Variants in RAP1GDS1 observed in about 807,000 individuals in gnomAD.
RAP1GDS1 encodes RAP1, GTP-GDP dissociation stimulator 1.
A neutral mutation model predicts 71.1 loss-of-function variants in RAP1GDS1; 35 were observed. That is an observed-to-expected ratio of 0.49 (90% confidence interval 0.38 to 0.65). The LOEUF is 0.65. Among genes scored for constraint, RAP1GDS1 ranks in the 30% least tolerant of loss-of-function variants. The pLI is 0.00. For missense variants in RAP1GDS1, 663 were observed against 706.1 expected (o/e 0.94, Z 0.69); for synonymous variants, 229 against 243.1 (o/e 0.94, Z 0.54).
intron 2 of RAP1GDS1, among the ~76,000 whole-genome samples, chr4:98,308,297 C>CACTATATATATA (rs1239038228): frequency 2.7e-5 from 2 of 73,202 alleles, no homozygotes; most frequent in South Asian, 6.2e-4. Context: ...CACACACACA[C>CACTATATATATA]TATATATATA....
chr4:98,281,621 C>G (rs1725117389), intron 1 of RAP1GDS1, among the ~76,000 whole-genome samples: 1 of 152,124 alleles, frequency 6.6e-6, no homozygotes, highest in Admixed American at 6.6e-5. Flanking sequence ...GCCTGACTGC[C>G]CTGGCGAGAA....
intron 2 of RAP1GDS1, among the ~76,000 whole-genome samples, chr4:98,305,788 A>G (rs960648663): frequency 6.6e-6 from 1 of 152,200 alleles, no homozygotes; most frequent in Non-Finnish European, 1.5e-5. Context: ...TTGGCAGAAG[A>G]TCTGGGTTTG....
At chr4:98,338,343 A>G (rs1010251322) in intron 2 of RAP1GDS1, among the ~76,000 whole-genome samples, 2 of 152,210 alleles carry the variant, frequency 1.3e-5, no homozygotes, top group African/African-American at 4.8e-5. Flanking sequence ...CATATACCCA[A>G]GTGCAAATGC....
intron 2 of RAP1GDS1, among the ~76,000 whole-genome samples, chr4:98,317,148 A>G (rs552599635): frequency 6.6e-6 from 1 of 152,082 alleles, no homozygotes; most frequent in African/African-American, 2.4e-5. Flanking sequence ...CCTCCATCAC[A>G]CTTTTTTACC....
intron 2 of RAP1GDS1, among the ~76,000 whole-genome samples, chr4:98,341,057 GT>G (rs1402501518): frequency 6.6e-6 from 1 of 152,120 alleles, no homozygotes; most frequent in Non-Finnish European, 1.5e-5. Flanking sequence ...ACACTTTGTA[GT>G]TATTTATTGG....
intron 14 of RAP1GDS1, among the ~76,000 whole-genome samples, chr4:98,437,856 A>G (rs970493982): frequency 2.6e-5 from 4 of 151,660 alleles, no homozygotes; most frequent in Non-Finnish European, 5.9e-5. Flanking sequence ...ACATTGGCAT[A>G]TCTTGGTATA....
At chr4:98,372,732 T>A (rs1226028377) in intron 4 of RAP1GDS1, among the ~76,000 whole-genome samples, 1 of 152,220 alleles carries the variant, frequency 6.6e-6, no homozygotes, top group East Asian at 1.9e-4. Flanking sequence ...TTGCCCAGGC[T>A]GGTGTGTAGT....
chr4:98,397,928 A>G (rs920585920), intron 6 of RAP1GDS1, among the ~76,000 whole-genome samples: 10 of 152,230 alleles, frequency 6.6e-5, no homozygotes, highest in Middle Eastern at 3.4e-3. Context: ...CGTAGACTTA[A>G]AGTTATTTAT....
In RAP1GDS1 at chr4:98,438,459, T is replaced by TA. The variant is rs774206489; in HGVS notation, c.1696+1392dup. Among the ~76,000 whole-genome samples, 65 of 151,454 alleles carry TA rather than the reference T, an allele frequency of 4.3e-4. 1 individual carries two copies. Among genetic ancestry groups the TA allele is most frequent in the East Asian group, 1.9e-3 (10 of 5,158 alleles). On this transcript the variant is annotated intron_variant, in intron 14 of 14. Coordinates refer to ENST00000408927, the MANE Select transcript of RAP1GDS1 (RefSeq NM_001100427.2). ...CCATTTACATTTAATGGATGACTGA[T>TA]ATGGCTTAAGTGTGCAATCTTATTT...
rs893039893 is a variant in RAP1GDS1, at chr4:98,420,125, A to G, written c.1281A>G (p.Arg427=). Residue 427 remains arginine (R), a synonymous_variant, in exon 11 of 15, where the codon AGA becomes AGG. Coordinates refer to ENST00000408927, the MANE Select transcript of RAP1GDS1 (RefSeq NM_001100427.2). ...AGTTCAAACTTCTGGGAACATTAAGAATGTTAATAGATGCACAAGGTAAAA... is the reference window on the plus strand; with the variant it reads ...AGTTCAAACTTCTGGGAACATTAAGGATGTTAATAGATGCACAAGGTAAAA... ...PVQFKLLGTL[R]MLIDAQAEAA... 3 of 1,575,434 alleles carry G rather than the reference A, an allele frequency of 1.9e-6. No homozygotes were observed. The highest frequency in any genetic ancestry group is 2.6e-6 in the Non-Finnish European group (3 of 1,160,818).
At chr4:98,371,426 C>T (rs1740368315) in intron 4 of RAP1GDS1, among the ~76,000 whole-genome samples, 1 of 151,620 alleles carries the variant, frequency 6.6e-6, no homozygotes, top group African/African-American at 2.4e-5. Flanking sequence ...TTGAATTAAC[C>T]CTTTTGTTGT....
intron 6 of RAP1GDS1, among the ~76,000 whole-genome samples, chr4:98,395,009 T>G (rs1744306602): frequency 6.6e-6 from 1 of 152,158 alleles, no homozygotes; most frequent in South Asian, 2.1e-4. Context: ...GATCCTAAAC[T>G]GATCACATGA....
chr4:98,426,224 G>A (rs1011376861), intron 12 of RAP1GDS1, among the ~76,000 whole-genome samples: 5 of 152,004 alleles, frequency 3.3e-5, no homozygotes, highest in East Asian at 1.9e-4. Context: ...CAACAAAGGC[G>A]TTGCTAAGAG....
At chr4:98,379,514 AACACTGTT>A (rs1741673139) in intron 5 of RAP1GDS1, 1 of 156,698 alleles carries the variant, frequency 6.4e-6, no homozygotes, top group Admixed American at 6.5e-5. Context: ...TTAAAATATG[AACACTGTT>A]TGCAGAAGTA....
intron 2 of RAP1GDS1, among the ~76,000 whole-genome samples, chr4:98,340,436 C>T (rs1037779238): frequency 6.6e-6 from 1 of 152,094 alleles, no homozygotes; most frequent in East Asian, 1.9e-4. Context: ...ACCACACATT[C>T]TCACTTAAGT....
At chr4:98,288,102 A>C (rs913106841) in intron 1 of RAP1GDS1, among the ~76,000 whole-genome samples, 62 of 152,170 alleles carry the variant, frequency 4.1e-4, no homozygotes, top group Admixed American at 3.3e-3. Context: ...ACATATGTAT[A>C]CATGTGCCAT....
intron 6 of RAP1GDS1, among the ~76,000 whole-genome samples, chr4:98,401,699 G>A (rs1745436905): frequency 6.6e-6 from 1 of 152,172 alleles, no homozygotes; most frequent in Non-Finnish European, 1.5e-5. Flanking sequence ...TAGATATAAT[G>A]TCCAAATTAT....
chr4:98,397,029 T>TTAAG (rs2110138243), intron 6 of RAP1GDS1: 1 of 152,340 alleles, frequency 6.6e-6, no homozygotes. Context: ...CTCTGCTTTA[T>TTAAG]TAAGTTTCAT....
At chr4:98,437,171 G>A (rs2110224581) in intron 14 of RAP1GDS1, 103 bp downstream of exon 14, 1 of 1,221,826 alleles carries the variant, frequency 8.2e-7, no homozygotes, top group East Asian at 2.8e-5. Context: ...AAAGCCGTTA[G>A]AAATTAGTTT....
Sources: allele counts gnomAD v4.1 joint callset (sites outside exome capture counted in the v4.1 genomes callset), GRCh38; gene constraint gnomAD v4.1.1; transcripts MANE v1.5; gene names NCBI Gene and HGNC (gene_info 2026-07-23, HGNC 2026-07-21).